The following TENM3 variants were observed in gnomAD, a reference collection of about 807,000 sequenced individuals.
TENM3 encodes teneurin transmembrane protein 3.
TENM3 carries 63 observed loss-of-function variants against 255.1 expected under a neutral mutation model. The observed-to-expected ratio is 0.25, with a 90% CI of 0.20 to 0.30. The LOEUF (loss-of-function observed/expected upper bound fraction) is 0.30, where lower values mean the gene tolerates loss of function less well. TENM3 is among the 10% of genes least tolerant of loss of function. The probability of loss-of-function intolerance (pLI) is 1.00; values close to 1 mark genes in which losing one functional copy is unlikely to be tolerated. For synonymous variants in TENM3, 1,306 were observed against 1,322.3 expected, an observed-to-expected ratio of 0.99 and a Z score of 0.27; for missense variants, 2,929 against 3,461.1, an observed-to-expected ratio of 0.85 and a Z score of 3.86.
chr4:182,729,547 A>G (rs6822456), intron 14 of TENM3, among the ~76,000 whole-genome samples: 131,631 of 152,038 alleles, frequency 0.87, 57,163 homozygotes, highest in Middle Eastern at 0.91. Flanking sequence ...AATAATATAA[A>G]TTATGAATGA....
the TENM3 span, among the ~76,000 whole-genome samples, chr4:181,692,149 T>C: frequency 6.6e-6 from 1 of 152,224 alleles, no homozygotes. Context: ...GCAAGTTCCC[T>C]TGGAACCATT....
At chr4:182,603,794 C>T in intron 4 of TENM3, among the ~76,000 whole-genome samples, 1 of 109,142 alleles carries the variant, frequency 9.2e-6, no homozygotes, top group African/African-American at 3.3e-5. Context: ...TACACACACA[C>T]ACCGATTTTG....
At chr4:181,566,177 C>G in the TENM3 span, among the ~76,000 whole-genome samples, 2 of 152,088 alleles carry the variant, frequency 1.3e-5, no homozygotes, top group Non-Finnish European at 2.9e-5. Context: ...GCTTCTTTTG[C>G]AAGATTTTTT....
intron 6 of TENM3, among the ~76,000 whole-genome samples, chr4:182,667,991 G>A (rs1754863334): frequency 7.0e-6 from 1 of 143,790 alleles, no homozygotes; most frequent in South Asian, 2.3e-4. Context: ...TAATTAAAAA[G>A]AAAAGCATTC....
intron 22 of TENM3, among the ~76,000 whole-genome samples, chr4:182,772,086 C>T (rs1163589046): frequency 2.6e-5 from 4 of 152,168 alleles, no homozygotes; most frequent in Non-Finnish European, 4.4e-5. Flanking sequence ...TCTCTTTCTT[C>T]CCTCTCTCTA....
chr4:181,947,385 C>T, the TENM3 span, among the ~76,000 whole-genome samples: 46 of 152,248 alleles, frequency 3.0e-4, no homozygotes, highest in African/African-American at 1.1e-3. Flanking sequence ...TTATGATTCA[C>T]AAGCTAGATA....
chr4:181,463,376 G>T, the TENM3 span, among the ~76,000 whole-genome samples: 1 of 152,048 alleles, frequency 6.6e-6, no homozygotes, highest in African/African-American at 2.4e-5. Flanking sequence ...TTTTATCATA[G>T]TCTATGCATT....
intron 3 of TENM3, among the ~76,000 whole-genome samples, chr4:182,369,118 T>C (rs1766620684): frequency 6.6e-6 from 1 of 152,222 alleles, no homozygotes. Flanking sequence ...CTAAGGATTT[T>C]GGATGTGAAT....
upstream of TENM3, among the ~76,000 whole-genome samples, chr4:182,238,835 C>T (rs1397323024): frequency 6.6e-6 from 1 of 152,054 alleles, no homozygotes; most frequent in East Asian, 1.9e-4. Context: ...TTCTCCCTCT[C>T]TTTTTTAATT....
At chr4:182,371,381 C>T (rs1489630055) in intron 3 of TENM3, among the ~76,000 whole-genome samples, 2 of 152,054 alleles carry the variant, frequency 1.3e-5, no homozygotes, top group African/African-American at 4.8e-5. Flanking sequence ...TGTGTATCAA[C>T]GCTATGTTAA....
chr4:182,162,110 A>G (rs1374112969), intron 1 of TENM3, among the ~76,000 whole-genome samples: 2 of 151,356 alleles, frequency 1.3e-5, no homozygotes, highest in Admixed American at 6.6e-5. Flanking sequence ...CCTCAAACTC[A>G]TGGGCTCAAG....
At chr4:181,602,431 T>C in the TENM3 span, among the ~76,000 whole-genome samples, 2 of 152,226 alleles carry the variant, frequency 1.3e-5, no homozygotes, top group African/African-American at 2.4e-5. Context: ...TAGTATTCGG[T>C]ATTGCAAACC....
At chr4:181,627,212 A>G in the TENM3 span, among the ~76,000 whole-genome samples, 3 of 152,238 alleles carry the variant, frequency 2.0e-5, no homozygotes, top group African/African-American at 2.4e-5. Flanking sequence ...GAAAGAAAAT[A>G]TTAGACCTGC....
chr4:181,582,453 A>G, the TENM3 span, among the ~76,000 whole-genome samples: 1 of 152,086 alleles, frequency 6.6e-6, no homozygotes, highest in Non-Finnish European at 1.5e-5. Context: ...GTTAATCAAG[A>G]CGAATTTGCT....
chr4:181,819,686 C>A, the TENM3 span, among the ~76,000 whole-genome samples: 2 of 152,182 alleles, frequency 1.3e-5, no homozygotes, highest in African/African-American at 4.8e-5. Flanking sequence ...ATAAGGAGCA[C>A]TTGACCTTAG....
the TENM3 span, among the ~76,000 whole-genome samples, chr4:181,667,293 C>G: frequency 6.6e-6 from 1 of 152,118 alleles, no homozygotes; most frequent in Admixed American, 6.6e-5. Flanking sequence ...TCTGTCCCAT[C>G]CTGCACATCA....
chr4:181,860,124 C>A, the TENM3 span, among the ~76,000 whole-genome samples: 1 of 152,164 alleles, frequency 6.6e-6, no homozygotes, highest in Non-Finnish European at 1.5e-5. Flanking sequence ...CATCTGAAAC[C>A]TGCTTTCAAG....
chr4:182,210,564 A>T (rs541118691), intron 1 of TENM3, among the ~76,000 whole-genome samples: 1 of 149,152 alleles, frequency 6.7e-6, no homozygotes, highest in Admixed American at 6.6e-5. Flanking sequence ...GACGTCAGGA[A>T]TTTGGGCCTG....
the TENM3 span, among the ~76,000 whole-genome samples, chr4:181,973,159 T>C: frequency 6.6e-6 from 1 of 152,236 alleles, no homozygotes; most frequent in African/African-American, 2.4e-5. Flanking sequence ...TAATTTATTT[T>C]TAGATCCTTC....
Sources: gnomAD v4.1 joint callset for allele counts (sites outside exome capture counted in the v4.1 genomes callset) on GRCh38, gnomAD v4.1.1 for gene constraint, MANE v1.5 for transcripts, NCBI Gene and HGNC (gene_info 2026-07-23, HGNC 2026-07-21) for gene names.